WWOX: variants seen among roughly 807,000 people sequenced by gnomAD.
WWOX encodes the protein WW domain-containing oxidoreductase.
Under a neutral mutation model 46.2 loss-of-function variants are expected in WWOX, and 69 were observed. The ratio of observed to expected loss-of-function variants is 1.49; its 90% CI spans 1.23 to 1.82. The LOEUF (loss-of-function observed/expected upper bound fraction) is 1.82, where lower values mean the gene tolerates loss of function less well. Among genes scored for constraint, WWOX ranks in the 40% most tolerant of loss-of-function variants. The pLI is 0.00. For synonymous variants in WWOX, 359 were observed against 202.6 expected (o/e 1.77, Z -6.56); for missense variants, 919 against 542.6 (o/e 1.69, Z -6.89).
intron 8 of WWOX, among the ~76,000 whole-genome samples, chr16:78,995,559 C>A (rs987633491): frequency 2.0e-5 from 3 of 150,876 alleles, no homozygotes; most frequent in African/African-American, 7.3e-5. Context: ...TTGCCACTGT[C>A]TTTATAAAAA....
intron 7 of WWOX, among the ~76,000 whole-genome samples, chr16:78,429,819 A>T (rs1266689232): frequency 6.6e-6 from 1 of 152,234 alleles, no homozygotes; most frequent in African/African-American, 2.4e-5. Context: ...AAAATAACTG[A>T]AACAAAATGG....
intron 8 of WWOX, among the ~76,000 whole-genome samples, chr16:78,776,210 A>G (rs1362016052): frequency 6.6e-6 from 1 of 152,030 alleles, no homozygotes; most frequent in Non-Finnish European, 1.5e-5. Context: ...TCTAGAAACA[A>G]CTTTTGTGTC....
At chr16:78,259,192 TAAAAC>T (rs1208869056) in intron 5 of WWOX, among the ~76,000 whole-genome samples, 2 of 152,082 alleles carry the variant, frequency 1.3e-5, no homozygotes, top group Admixed American at 1.3e-4. Flanking sequence ...CAAGCTCAAA[TAAAAC>T]AAACAAATAA....
At chr16:78,735,666 C>A (rs1483493616) in intron 8 of WWOX, among the ~76,000 whole-genome samples, 2 of 152,200 alleles carry the variant, frequency 1.3e-5, no homozygotes, top group Non-Finnish European at 2.9e-5. Flanking sequence ...GCCTCTTCAT[C>A]TTCTCCTGGC....
At chr16:79,006,207 G>C (rs113496184) in intron 8 of WWOX, among the ~76,000 whole-genome samples, 2 of 152,208 alleles carry the variant, frequency 1.3e-5, no homozygotes, top group East Asian at 3.8e-4. Flanking sequence ...CGGCAGGAAA[G>C]ACTTCCCAGT....
intron 8 of WWOX, among the ~76,000 whole-genome samples, chr16:78,520,498 C>G (rs2043324795): frequency 6.6e-6 from 1 of 152,066 alleles, no homozygotes; most frequent in African/African-American, 2.4e-5. Flanking sequence ...CCTGCTTTTA[C>G]TAATGGTTCT....
intron 8 of WWOX, among the ~76,000 whole-genome samples, chr16:79,034,313 C>T (rs951783783): frequency 6.6e-6 from 1 of 152,202 alleles, no homozygotes. Context: ...ATGTCAATAA[C>T]TTTCCTGACA....
intron 8 of WWOX, among the ~76,000 whole-genome samples, chr16:78,509,492 G>T (rs2085304036): frequency 6.6e-6 from 1 of 151,892 alleles, no homozygotes; most frequent in Admixed American, 6.6e-5. Context: ...ATACTCCGTA[G>T]CCATTTTACC....
At chr16:79,143,232 C>G (rs549525406) in intron 8 of WWOX, among the ~76,000 whole-genome samples, 23 of 152,164 alleles carry the variant, frequency 1.5e-4, no homozygotes, top group Non-Finnish European at 2.9e-4. Context: ...CCTGCTTCCC[C>G]CTCCTGGATG....
intron 8 of WWOX, among the ~76,000 whole-genome samples, chr16:78,473,442 G>A (rs2084279039): frequency 6.6e-6 from 1 of 152,170 alleles, no homozygotes; most frequent in African/African-American, 2.4e-5. Flanking sequence ...TGTTGATACA[G>A]TATGACAAGG....
At chr16:78,864,969 G>A (rs1025701148) in intron 8 of WWOX, among the ~76,000 whole-genome samples, 1 of 151,438 alleles carries the variant, frequency 6.6e-6, no homozygotes, top group South Asian at 2.1e-4. Flanking sequence ...TACCATGTTG[G>A]CCAGGCTGGT....
intron 8 of WWOX, among the ~76,000 whole-genome samples, chr16:78,686,982 C>G (rs2047876490): frequency 6.6e-6 from 1 of 152,190 alleles, no homozygotes; most frequent in Non-Finnish European, 1.5e-5. Context: ...ACATCACGAT[C>G]TATATCTCAG....
At chr16:78,279,462 C>T (rs2079638593) in intron 5 of WWOX, among the ~76,000 whole-genome samples, 1 of 152,128 alleles carries the variant, frequency 6.6e-6, no homozygotes, top group African/African-American at 2.4e-5. Flanking sequence ...AACTTTTCAT[C>T]ATTATTTTCT....
At chr16:78,792,821 C>T (rs2050639513) in intron 8 of WWOX, among the ~76,000 whole-genome samples, 1 of 152,128 alleles carries the variant, frequency 6.6e-6, no homozygotes, top group Non-Finnish European at 1.5e-5. Flanking sequence ...GCAGGGAGCT[C>T]TGATTGTCCA....
Position 79,012,920 on chromosome 16 carries a change from G to C in WWOX, c.1057-198688G>C, listed in dbSNP as rs983410396. On this transcript the variant is annotated intron_variant, in intron 8 of 8. Coordinates refer to ENST00000566780, the MANE Select transcript of WWOX (RefSeq NM_016373.4). ...AAAATGCCACCAGCAGGCTGGGTGT[G>C]GTGGCTCATGCCTGTATTCCCAGCC... Among the ~76,000 whole-genome samples the C allele has an allele frequency of 3.3e-5, 5 of 152,312 alleles. No homozygotes were observed. The East Asian group carries it at 9.7e-4, about 29-fold the overall frequency.
intron 8 of WWOX, among the ~76,000 whole-genome samples, chr16:78,509,168 G>A (rs900083168): frequency 6.6e-6 from 1 of 152,214 alleles, no homozygotes. Context: ...GCCGGGCATG[G>A]TGGTTCACGC....
chr16:78,992,394 G>T (rs570035563), intron 8 of WWOX, among the ~76,000 whole-genome samples: 4 of 152,238 alleles, frequency 2.6e-5, no homozygotes, highest in African/African-American at 9.6e-5. Context: ...TTGAATCCGG[G>T]AGGCAGAGGT....
intron 8 of WWOX, among the ~76,000 whole-genome samples, chr16:79,137,334 CAA>C (rs1292881988): frequency 3.3e-5 from 5 of 152,152 alleles, no homozygotes; most frequent in Non-Finnish European, 5.9e-5. Context: ...CAAGGCTTAT[CAA>C]AAGAAAATTC....
chr16:78,375,076 G>A (rs192549956), intron 5 of WWOX, among the ~76,000 whole-genome samples: 33 of 152,220 alleles, frequency 2.2e-4, no homozygotes, highest in African/African-American at 7.9e-4. Flanking sequence ...ATTTTTTTCC[G>A]AAGCACATTT....
Sources: allele counts gnomAD v4.1 joint callset (sites outside exome capture counted in the v4.1 genomes callset), GRCh38; gene constraint gnomAD v4.1.1; transcripts MANE v1.5; gene names NCBI Gene and HGNC (gene_info 2026-07-23, HGNC 2026-07-21).